Variants in CUEDC1 observed in about 807,000 individuals in gnomAD.
CUEDC1 encodes CUE domain containing 1, also known as CUE domain-containing protein 1.
In CUEDC1, 30 loss-of-function variants were observed where a neutral mutation model predicts 43.7. The ratio of observed to expected loss-of-function variants is 0.69; its 90% CI spans 0.51 to 0.93. The LOEUF (loss-of-function observed/expected upper bound fraction) is 0.93, where lower values mean the gene tolerates loss of function less well. CUEDC1 is among the 40% of genes least tolerant of loss of function. The pLI is 0.00. For synonymous variants in CUEDC1, 223 were observed against 223.6 expected (o/e 1.00, Z 0.02); for missense variants, 486 against 549.0 (o/e 0.89, Z 1.15).
chr17:57,885,340 G>A lies in CUEDC1; in HGVS notation c.225C>T (p.Gly75=), dbSNP rs369316969. Residue 75 remains glycine (G), a synonymous_variant, in exon 2 of 11, where the codon GGC becomes GGT. Transcript: ENST00000577830. The stretch of plus-strand genomic sequence containing the variant: ...GCTGGTCGATGGTGGCGTCCACAGC[G>A]CCGCTGTTGGCGCGCAGCACGCATT... ...IIECVLRANS[G]AVDATIDQLL... The A allele has an allele frequency of 3.7e-6, 6 of 1,611,994 alleles. No homozygotes were observed. The Admixed American group carries it at 8.4e-5, about 22-fold the overall frequency.
At chr17:57,887,898 C>CTTT (rs748886251) in intron 1 of CUEDC1, among the ~76,000 whole-genome samples, 178 of 118,008 alleles carry the variant, frequency 1.5e-3, no homozygotes, top group African/African-American at 1.8e-3. Flanking sequence ...TTCTTTTTCT[C>CTTT]TTTTTTTTTT....
chr17:57,908,735 C>T (rs188458983), intron 1 of CUEDC1, among the ~76,000 whole-genome samples: 6 of 152,258 alleles, frequency 3.9e-5, no homozygotes, highest in Admixed American at 2.0e-4. Context: ...CAGTGGCTTA[C>T]GCCTGTAATC....
intron 1 of CUEDC1, among the ~76,000 whole-genome samples, chr17:57,906,833 G>A (rs372930816): frequency 2.8e-4 from 42 of 152,142 alleles, no homozygotes; most frequent in African/African-American, 6.7e-4. Flanking sequence ...TTAGTCGGGC[G>A]TGATGGCGGG....
chr17:57,909,717 T>G (rs1241277049), intron 1 of CUEDC1, among the ~76,000 whole-genome samples: 1 of 152,226 alleles, frequency 6.6e-6, no homozygotes, highest in Non-Finnish European at 1.5e-5. Context: ...TTTCCCAGTT[T>G]GTCTCACCAG....
chr17:57,916,969 C>A (rs1398899246), intron 1 of CUEDC1, among the ~76,000 whole-genome samples: 1 of 152,156 alleles, frequency 6.6e-6, no homozygotes, highest in Admixed American at 6.5e-5. Context: ...GGGGACTGGA[C>A]TCTGTTCATA....
At chr17:57,868,710 C>T (rs62084493) in intron 7 of CUEDC1, among the ~76,000 whole-genome samples, 3 of 151,976 alleles carry the variant, frequency 2.0e-5, no homozygotes, top group East Asian at 1.9e-4. Flanking sequence ...GTCTGTGTGG[C>T]GGGGAGGTGA....
chr17:57,868,252 A>G lies in CUEDC1; in HGVS notation c.941-9T>C. The G allele has an allele frequency of 6.2e-7, 1 of 1,613,106 alleles. No individual in the cohort carries two copies. The highest frequency in any genetic ancestry group is 8.5e-7 in the Non-Finnish European group (1 of 1,179,094). On this transcript the variant is annotated splice_polypyrimidine_tract_variant and intron_variant, in intron 7 of 10. Transcript: ENST00000577830. Reference sequence around the variant, plus strand: ...CAGTTTCCTCCGGGTGGCTGGGGGCAGAGAGACCTGTGAGTCATTCTCTCA... The same window carrying G: ...CAGTTTCCTCCGGGTGGCTGGGGGCGGAGAGACCTGTGAGTCATTCTCTCA...
At chr17:57,932,848 GC>G (rs2074821902) in intron 1 of CUEDC1, among the ~76,000 whole-genome samples, 2 of 151,512 alleles carry the variant, frequency 1.3e-5, no homozygotes, top group Admixed American at 1.3e-4. Context: ...GGCAACAAGA[GC>G]AAAACTCTGT....
chr17:57,902,446 A>G (rs151284411), intron 1 of CUEDC1, among the ~76,000 whole-genome samples: 1 of 152,344 alleles, frequency 6.6e-6, no homozygotes, highest in African/African-American at 2.4e-5. Context: ...TGTGGGGATT[A>G]GCAGACCCAC....
intron 1 of CUEDC1, among the ~76,000 whole-genome samples, chr17:57,900,995 C>T (rs1487388468): frequency 6.6e-6 from 1 of 152,210 alleles, no homozygotes; most frequent in African/African-American, 2.4e-5. Flanking sequence ...ATTCTCTAAC[C>T]CACTATTAAA....
At chr17:57,914,313 G>C (rs973197119) in intron 1 of CUEDC1, among the ~76,000 whole-genome samples, 1 of 152,190 alleles carries the variant, frequency 6.6e-6, no homozygotes. Context: ...TGAGACACAG[G>C]GGGTAAATAA....
chr17:57,869,399 G>C (rs1192040323), intron 6 of CUEDC1, among the ~76,000 whole-genome samples: 1 of 152,216 alleles, frequency 6.6e-6, no homozygotes, highest in Non-Finnish European at 1.5e-5. Flanking sequence ...AAAATGGGGA[G>C]GGTTCAGCGG....
At chr17:57,873,756 A>C (rs975821365) in intron 3 of CUEDC1, 39 bp from the exon 4 acceptor site, 1 of 1,510,406 alleles carries the variant, frequency 6.6e-7, no homozygotes, top group Non-Finnish European at 8.9e-7. Flanking sequence ...GAAGTCATTA[A>C]GCCCAACCCC....
At chr17:57,867,854 C>A in intron 8 of CUEDC1, among the ~76,000 whole-genome samples, 1 of 152,188 alleles carries the variant, frequency 6.6e-6, no homozygotes, top group East Asian at 1.9e-4. Context: ...ACCACTTTTT[C>A]TCCCAAGAAG....
chr17:57,943,287 G>A (rs2074933110), intron 1 of CUEDC1, among the ~76,000 whole-genome samples: 1 of 152,172 alleles, frequency 6.6e-6, no homozygotes, highest in East Asian at 1.9e-4. Context: ...GACTGACATG[G>A]AAGGCTTCTG....
intron 9 of CUEDC1, chr17:57,866,985 T>C (rs1184103804): frequency 2.7e-6 from 1 of 373,220 alleles, no homozygotes; most frequent in African/African-American, 2.0e-5. Context: ...GGGTGAAAGT[T>C]GAGAAGCCTC....
chr17:57,950,716 G>T (rs370227447), intron 1 of CUEDC1, among the ~76,000 whole-genome samples: 1 of 151,942 alleles, frequency 6.6e-6, no homozygotes. Context: ...CAGGTGATCC[G>T]CCCGCCTCGG....
intron 3 of CUEDC1, among the ~76,000 whole-genome samples, chr17:57,878,358 C>T (rs1054047745): frequency 7.2e-5 from 11 of 152,126 alleles, no homozygotes; most frequent in Non-Finnish European, 1.0e-4. Flanking sequence ...GAACCTGCTC[C>T]GTTTCTGGCA....
chr17:57,909,989 T>C (rs1353906173), intron 1 of CUEDC1, among the ~76,000 whole-genome samples: 1 of 152,164 alleles, frequency 6.6e-6, no homozygotes, highest in African/African-American at 2.4e-5. Flanking sequence ...TTTTGTTTTG[T>C]TTTGTTTTGT....
Sources: gnomAD v4.1 joint callset for allele counts (sites outside exome capture counted in the v4.1 genomes callset) on GRCh38, gnomAD v4.1.1 for gene constraint, MANE v1.5 for transcripts, NCBI Gene and HGNC (gene_info 2026-07-23, HGNC 2026-07-21) for gene names.